DLG2: variants seen among roughly 807,000 people sequenced by gnomAD.
DLG2 encodes the protein discs large MAGUK scaffold protein 2, also known as disks large homolog 2.
Under a neutral mutation model 132.5 loss-of-function variants are expected in DLG2, and 45 were observed. The ratio of observed to expected loss-of-function variants is 0.34; its 90% CI spans 0.27 to 0.44. DLG2 has a LOEUF of 0.44. Ranked by LOEUF, DLG2 falls within the 20% of genes least tolerant of loss-of-function variation. The pLI is 1.00. For synonymous variants in DLG2, 424 were observed against 419.6 expected, an observed-to-expected ratio of 1.01 and a Z score of -0.13; for missense variants, 1,045 against 1,196.9, an observed-to-expected ratio of 0.87 and a Z score of 1.87.
chr11:85,006,829 C>T (rs558043220), intron 6 of DLG2, among the ~76,000 whole-genome samples: 50 of 152,058 alleles, frequency 3.3e-4, no homozygotes, highest in South Asian at 1.9e-3. Flanking sequence ...GTTAGGGTGT[C>T]GACTTTAGAT....
intron 6 of DLG2, among the ~76,000 whole-genome samples, chr11:84,811,659 A>G (rs1198088681): frequency 1.3e-5 from 2 of 152,154 alleles, no homozygotes; most frequent in Non-Finnish European, 2.9e-5. Context: ...CCACATGATT[A>G]TATGTAGCTA....
At chr11:84,228,574 C>A (rs1274397481) in intron 8 of DLG2, among the ~76,000 whole-genome samples, 1 of 152,110 alleles carries the variant, frequency 6.6e-6, no homozygotes, top group Non-Finnish European at 1.5e-5. Context: ...AAAGTTGGCA[C>A]ATTCGGATGT....
intron 6 of DLG2, among the ~76,000 whole-genome samples, chr11:84,813,855 T>G (rs749469798): frequency 7.1e-6 from 1 of 141,284 alleles, no homozygotes; most frequent in African/African-American, 2.6e-5. Flanking sequence ...CAGTGTTAAT[T>G]TCCCCCCTCC....
At chr11:83,883,085 C>A (rs1281756268) in intron 15 of DLG2, among the ~76,000 whole-genome samples, 3 of 152,182 alleles carry the variant, frequency 2.0e-5, no homozygotes. Flanking sequence ...TAATTGCCCA[C>A]AATTTTAACT....
chr11:84,182,977 T>C (rs1235109128), intron 8 of DLG2, among the ~76,000 whole-genome samples: 3 of 152,098 alleles, frequency 2.0e-5, no homozygotes, highest in Non-Finnish European at 4.4e-5. Flanking sequence ...TGCTGGCAAA[T>C]TTTATAACCA....
At chr11:84,859,561 A>G (rs1312903923) in intron 6 of DLG2, among the ~76,000 whole-genome samples, 1 of 151,132 alleles carries the variant, frequency 6.6e-6, no homozygotes, top group Non-Finnish European at 1.5e-5. Context: ...AATACAAGTA[A>G]TGTTAGAAGA....
intron 6 of DLG2, among the ~76,000 whole-genome samples, chr11:84,853,433 T>A (rs1658974623): frequency 6.6e-6 from 1 of 152,018 alleles, no homozygotes; most frequent in African/African-American, 2.4e-5. Flanking sequence ...TCTGGACAAT[T>A]TCTTATTTGT....
At chr11:85,393,523 T>G (rs1397309519) in intron 3 of DLG2, among the ~76,000 whole-genome samples, 2 of 151,946 alleles carry the variant, frequency 1.3e-5, no homozygotes, top group African/African-American at 4.8e-5. Context: ...CACACACACG[T>G]GTATAGCAGC....
chr11:84,334,733 T>C (rs150763445), intron 7 of DLG2, among the ~76,000 whole-genome samples: 2,633 of 152,298 alleles, frequency 0.017, 30 homozygotes, highest in Middle Eastern at 0.024. Context: ...TTCAGACTAA[T>C]GGGAACGACC....
At chr11:83,574,747 T>TA (rs2096849090) in intron 19 of DLG2, among the ~76,000 whole-genome samples, 1 of 152,232 alleles carries the variant, frequency 6.6e-6, no homozygotes, top group Admixed American at 6.5e-5. Context: ...ATGTACTTTT[T>TA]AGCTAAGCTA....
chr11:85,540,790 A>C (rs2075911684), intron 3 of DLG2, among the ~76,000 whole-genome samples: 1 of 152,234 alleles, frequency 6.6e-6, no homozygotes, highest in South Asian at 2.1e-4. Context: ...GTCAGAGCCC[A>C]AAAACTGCCC....
At position 84,482,156 on chromosome 11, in the gene DLG2, G is replaced by C. The variant is rs1371557090; in HGVS notation, c.519+52414C>G. Among the ~76,000 whole-genome samples the C allele has an allele frequency of 3.3e-5, 5 of 152,068 alleles. No homozygotes were observed. The East Asian group carries it at 9.6e-4, about 29-fold the overall frequency. ...CAAGCTATCTATTCTCCTGAAAAGA[G>C]AATTGCAACAAAACAAAACAAAACA... On this transcript the variant is annotated intron_variant, in intron 7 of 27. Transcript: ENST00000376104.
At chr11:85,494,112 C>G (rs56789503) in intron 3 of DLG2, among the ~76,000 whole-genome samples, 8 of 152,084 alleles carry the variant, frequency 5.3e-5, no homozygotes, top group Admixed American at 2.6e-4. Flanking sequence ...GACGGCAGAG[C>G]CTTCATGACT....
At chr11:84,667,470 T>TA (rs2099700844) in intron 6 of DLG2, among the ~76,000 whole-genome samples, 1 of 137,878 alleles carries the variant, frequency 7.3e-6, no homozygotes, top group South Asian at 2.4e-4. Flanking sequence ...TGATTCAAGT[T>TA]TTTTTTTGTT....
intron 11 of DLG2, among the ~76,000 whole-genome samples, chr11:84,033,672 A>G (rs1354957037): frequency 6.6e-6 from 1 of 152,226 alleles, no homozygotes; most frequent in Non-Finnish European, 1.5e-5. Context: ...ACGGTACCAC[A>G]TGCTACAAAT....
chr11:83,560,870 C>G (rs1034048946), intron 19 of DLG2, among the ~76,000 whole-genome samples: 4 of 152,148 alleles, frequency 2.6e-5, no homozygotes, highest in African/African-American at 9.7e-5. Flanking sequence ...AGTCCATTCT[C>G]ACATTGCTAT....
intron 19 of DLG2, among the ~76,000 whole-genome samples, chr11:83,623,973 G>A (rs1225237477): frequency 6.6e-6 from 1 of 152,206 alleles, no homozygotes; most frequent in East Asian, 1.9e-4. Context: ...TTTGGGTTAT[G>A]AGGCAAAGTA....
At chr11:83,980,359 A>G in intron 12 of DLG2, 147 bp downstream of exon 12, 1 of 911,672 alleles carries the variant, frequency 1.1e-6, no homozygotes, top group Admixed American at 3.1e-5. Context: ...TGTAGTCTCC[A>G]GAATTGTGAG....
intron 6 of DLG2, among the ~76,000 whole-genome samples, chr11:84,623,115 A>G (rs2099616705): frequency 6.6e-6 from 1 of 152,114 alleles, no homozygotes; most frequent in Non-Finnish European, 1.5e-5. Flanking sequence ...CCTTTTGATT[A>G]TGCTGCTCTT....
Sources: gnomAD v4.1 joint callset for allele counts (sites outside exome capture counted in the v4.1 genomes callset) on GRCh38, gnomAD v4.1.1 for gene constraint, MANE v1.5 for transcripts, NCBI Gene and HGNC (gene_info 2026-07-23, HGNC 2026-07-21) for gene names.